VTI1A: variants seen among roughly 807,000 people sequenced by gnomAD.
The protein encoded by VTI1A is vesicle transport through interaction with t-SNAREs 1A.
A neutral mutation model predicts 34.9 loss-of-function variants in VTI1A; 22 were observed. The observed-to-expected ratio is 0.63, with a 90% CI of 0.45 to 0.90. VTI1A has a LOEUF of 0.90. Among genes scored for constraint, VTI1A ranks in the 40% least tolerant of loss-of-function variants. The pLI is 0.00. For missense variants in VTI1A, 268 were observed against 275.6 expected (o/e 0.97, Z 0.20); for synonymous variants, 87 against 97.3 (o/e 0.89, Z 0.62).
the VTI1A span, chr10:112,825,423 A>G: frequency 0.83 from 126,526 of 152,220 alleles, 52,844 homozygotes; most frequent in African/African-American, 0.91. Context: ...GGCACATTTC[A>G]TGTGGGACTC....
chr10:112,737,158 C>A, intron 7 of VTI1A: 1 of 301,984 alleles, frequency 3.3e-6, no homozygotes, highest in Non-Finnish European at 5.5e-6. Flanking sequence ...GCAACCTCCA[C>A]CTCCCAGGTC....
intron 7 of VTI1A, among the ~76,000 whole-genome samples, chr10:112,800,193 G>A (rs1852828344): frequency 6.6e-6 from 1 of 152,238 alleles, no homozygotes. Flanking sequence ...TCACCAATAT[G>A]TTCCAGGAGA....
At chr10:112,463,185 G>A (rs9971166) in intron 2 of VTI1A, among the ~76,000 whole-genome samples, 106,289 of 151,964 alleles carry the variant, frequency 0.7, 38,612 homozygotes, top group Non-Finnish European at 0.8. Context: ...TCGGCCTCCC[G>A]AAGTGCTGGG....
chr10:112,496,185 ACCCCCC>A (rs66554158), intron 3 of VTI1A, among the ~76,000 whole-genome samples: 2 of 27,842 alleles, frequency 7.2e-5, no homozygotes, highest in African/African-American at 1.5e-4. Context: ...AAATGGGGAG[ACCCCCC>A]CCCCCCCCCC....
At chr10:112,710,244 G>A (rs1224953084) in intron 7 of VTI1A, among the ~76,000 whole-genome samples, 1 of 142,912 alleles carries the variant, frequency 7.0e-6, no homozygotes, top group Non-Finnish European at 1.5e-5. Context: ...GTCTTGCTCT[G>A]TCGCCCAGGC....
At chr10:112,464,113 C>T (rs1296254089) in intron 2 of VTI1A, among the ~76,000 whole-genome samples, 4 of 152,214 alleles carry the variant, frequency 2.6e-5, no homozygotes, top group South Asian at 2.1e-4. Flanking sequence ...ATTCTCCTGC[C>T]TCAGCCTTCT....
the VTI1A span, among the ~76,000 whole-genome samples, chr10:112,829,305 G>A: frequency 2.0e-5 from 3 of 152,074 alleles, no homozygotes; most frequent in Admixed American, 1.3e-4. Context: ...TTAGCCGAGC[G>A]TGGTGGCAGG....
At chr10:112,486,654 C>CAGTTGTATATTCTTAAGAATATAA (rs1270472166) in intron 3 of VTI1A, among the ~76,000 whole-genome samples, 1 of 151,790 alleles carries the variant, frequency 6.6e-6, no homozygotes, top group South Asian at 2.1e-4. Context: ...ACAGAATATA[C>CAGTTGTATATTCTTAAGAATATAA]AGTTGTATAT....
chr10:112,680,038 G>C (rs1848162140), intron 7 of VTI1A, among the ~76,000 whole-genome samples: 1 of 152,124 alleles, frequency 6.6e-6, no homozygotes, highest in Non-Finnish European at 1.5e-5. Flanking sequence ...AAAAAGTTGA[G>C]AAAATGAGAT....
chr10:112,817,166 G>A lies in VTI1A; in HGVS notation c.*1783G>A, dbSNP rs1219800047. Reference sequence around the variant, plus strand: ...AAACAAACAACCCTTTTCTCATTCCGACACACGAATAGTCATCGAGTATTA... The same window carrying A: ...AAACAAACAACCCTTTTCTCATTCCAACACACGAATAGTCATCGAGTATTA... On this transcript the variant is annotated 3_prime_UTR_variant, in exon 8 of 8. Coordinates refer to ENST00000393077, the MANE Select transcript of VTI1A (RefSeq NM_145206.4). The A allele has an allele frequency of 4.3e-6, 1 of 232,410 alleles. No individual in the cohort carries two copies. The highest frequency in any genetic ancestry group is 6.1e-5 in the East Asian group (1 of 16,514). 14.4% of individuals were successfully genotyped at this position (232,410 alleles called of 1,614,324 possible).
intron 7 of VTI1A, among the ~76,000 whole-genome samples, chr10:112,721,229 G>C (rs577350696): frequency 6.6e-6 from 1 of 152,272 alleles, no homozygotes; most frequent in Admixed American, 6.5e-5. Flanking sequence ...ATTGCTTCCT[G>C]TGCCATCTTC....
At chr10:112,521,098 C>T (rs1416200049) in intron 3 of VTI1A, among the ~76,000 whole-genome samples, 1 of 151,998 alleles carries the variant, frequency 6.6e-6, no homozygotes, top group African/African-American at 2.4e-5. Flanking sequence ...TGACATGTGG[C>T]ATGTGCACCT....
chr10:112,606,748 G>A (rs1845100004), intron 5 of VTI1A, among the ~76,000 whole-genome samples: 1 of 152,138 alleles, frequency 6.6e-6, no homozygotes, highest in South Asian at 2.1e-4. Flanking sequence ...ATGAGAATGG[G>A]AAAAGAACTA....
intron 5 of VTI1A, among the ~76,000 whole-genome samples, chr10:112,565,287 A>G (rs1851872094): frequency 6.6e-6 from 1 of 152,110 alleles, no homozygotes; most frequent in African/African-American, 2.4e-5. Flanking sequence ...ACCAACCACA[A>G]TGTCATATGT....
chr10:112,647,834 A>G (rs769475148), intron 5 of VTI1A, among the ~76,000 whole-genome samples: 2 of 152,148 alleles, frequency 1.3e-5, no homozygotes, highest in African/African-American at 2.4e-5. Context: ...CAGTGGCGCA[A>G]TCTTGGCTCG....
At chr10:112,653,596 A>G (rs975650678) in intron 5 of VTI1A, among the ~76,000 whole-genome samples, 1 of 152,190 alleles carries the variant, frequency 6.6e-6, no homozygotes, top group Non-Finnish European at 1.5e-5. Context: ...ATTAATAATA[A>G]TCGACTTCAT....
At chr10:112,671,956 C>G (rs1421826671) in intron 7 of VTI1A, 1 of 152,078 alleles carries the variant, frequency 6.6e-6, no homozygotes. Context: ...TGAAATGAAA[C>G]CAATTTTATC....
chr10:112,737,495 TC>T, intron 7 of VTI1A: 1 of 1,051,062 alleles, frequency 9.5e-7, no homozygotes, highest in Non-Finnish European at 1.1e-6. Context: ...CATCTTCTGT[TC>T]CCTGGGATGC....
chr10:112,458,597 G>T (rs547968698), intron 1 of VTI1A, among the ~76,000 whole-genome samples: 1 of 151,858 alleles, frequency 6.6e-6, no homozygotes, highest in African/African-American at 2.4e-5. Flanking sequence ...AAGATTAGTA[G>T]AATCTACTAA....
Sources: allele counts gnomAD v4.1 joint callset (sites outside exome capture counted in the v4.1 genomes callset), GRCh38; gene constraint gnomAD v4.1.1; transcripts MANE v1.5; gene names NCBI Gene and HGNC (gene_info 2026-07-23, HGNC 2026-07-21).